The following TCF4 variants were observed in gnomAD, a reference collection of about 807,000 sequenced individuals.
The protein encoded by TCF4 is transcription factor 4.
TCF4 carries 3 observed loss-of-function variants against 82.1 expected under a neutral mutation model. The observed-to-expected ratio is 0.04, with a 90% CI of 0.02 to 0.09. TCF4 has a LOEUF of 0.09. TCF4 is among the 10% of genes least tolerant of loss of function. The pLI, the probability that TCF4 is intolerant of heterozygous loss-of-function variation, is 1.00. For missense variants in TCF4, 518 were observed against 852.7 expected (o/e 0.61, Z 4.89); for synonymous variants, 276 against 309.6 (o/e 0.89, Z 1.14).
chr18:55,413,901 G>A (rs1307428079), intron 5 of TCF4, among the ~76,000 whole-genome samples: 3 of 152,108 alleles, frequency 2.0e-5, no homozygotes, highest in African/African-American at 7.2e-5. Flanking sequence ...CACAATATAG[G>A]GAATTTAATA....
At chr18:55,488,123 T>C (rs1603566156) in intron 3 of TCF4, among the ~76,000 whole-genome samples, 1 of 152,248 alleles carries the variant, frequency 6.6e-6, no homozygotes, top group Non-Finnish European at 1.5e-5. Context: ...ATATTTATAC[T>C]TATAACAGAA....
intron 8 of TCF4, among the ~76,000 whole-genome samples, chr18:55,347,387 G>C (rs770601033): frequency 6.6e-6 from 1 of 152,026 alleles, no homozygotes; most frequent in Non-Finnish European, 1.5e-5. Context: ...TGCACTAGAG[G>C]GACAGGCTTC....
intron 3 of TCF4, among the ~76,000 whole-genome samples, chr18:55,544,960 T>C (rs1366507014): frequency 2.0e-5 from 3 of 152,230 alleles, no homozygotes; most frequent in Non-Finnish European, 4.4e-5. Context: ...ATGTACATCA[T>C]GCACAGCCAG....
At chr18:55,392,258 C>T (rs1158324789) in intron 6 of TCF4, among the ~76,000 whole-genome samples, 1 of 151,638 alleles carries the variant, frequency 6.6e-6, no homozygotes, top group Non-Finnish European at 1.5e-5. Context: ...AGCCATCATG[C>T]CCGGCCCAAA....
At chr18:55,239,470 G>A (rs764022360) in intron 15 of TCF4, among the ~76,000 whole-genome samples, 4 of 152,020 alleles carry the variant, frequency 2.6e-5, no homozygotes, top group Non-Finnish European at 5.9e-5. Flanking sequence ...GGCAAGATGC[G>A]TTTATTTCCC....
rs554760670 is a variant in TCF4, at chr18:55,506,206, C to T, written c.146-42069G>A. Among the ~76,000 whole-genome samples the T allele has an allele frequency of 1.4e-4, 22 of 152,260 alleles. No individual in the cohort carries two copies. The South Asian group carries it at 4.4e-3, about 30-fold the overall frequency. ...TTCTAGATCAAGAAATACTGATGAC[C>T]TGCAGTGGAAATCAAACAGCAGCAG... On this transcript the variant is annotated intron_variant, in intron 3 of 19. Coordinates refer to ENST00000354452, the MANE Select transcript of TCF4 (RefSeq NM_001083962.2).
rs540731957 is a variant in TCF4, at chr18:55,298,956, C to T, written c.550-19300G>A. Among the ~76,000 whole-genome samples the T allele has an allele frequency of 3.4e-3, 515 of 152,250 alleles. 3 individuals carry two copies. The highest frequency in any genetic ancestry group is 4.7e-3 in the Non-Finnish European group (320 of 67,996). On this transcript the variant is annotated intron_variant, in intron 8 of 19. Coordinates refer to ENST00000354452, the MANE Select transcript of TCF4 (RefSeq NM_001083962.2). ...TTCTCTCTAGAGTCGATCAGACAGACATTTCCCTACAATTTAGGTCAATAA... is the reference window on the plus strand; with the variant it reads ...TTCTCTCTAGAGTCGATCAGACAGATATTTCCCTACAATTTAGGTCAATAA...
At chr18:55,350,737 C>A in intron 7 of TCF4, 137 bp downstream of exon 7, 1 of 1,233,296 alleles carries the variant, frequency 8.1e-7, no homozygotes. Flanking sequence ...GGGAAGTCTC[C>A]AGGCTGACAA....
intron 3 of TCF4, among the ~76,000 whole-genome samples, chr18:55,564,685 A>C (rs1678591642): frequency 6.6e-6 from 1 of 152,210 alleles, no homozygotes; most frequent in Admixed American, 6.5e-5. Flanking sequence ...TGGCTCTACA[A>C]ACTGACTCTG....
At chr18:55,514,427 ACAC>A (rs2096859631) in intron 3 of TCF4, among the ~76,000 whole-genome samples, 3 of 151,726 alleles carry the variant, frequency 2.0e-5, no homozygotes, top group African/African-American at 7.3e-5. Context: ...ACACACACAC[ACAC>A]ACACACACAC....
chr18:55,376,819 CAT>C (rs1337966593), intron 6 of TCF4, among the ~76,000 whole-genome samples: 1 of 152,190 alleles, frequency 6.6e-6, no homozygotes, highest in Non-Finnish European at 1.5e-5. Context: ...TGAAGCACAG[CAT>C]ATAGTTTCTG....
rs1344135861 is a variant in TCF4, at chr18:55,225,503, T to C, written c.*2532A>G. ...CACCGTATTTTCTTCTGTACACTTA[T>C]CCTGAATGTGATCAGAGTATACCTG... On this transcript the variant is annotated 3_prime_UTR_variant, in exon 20 of 20. Coordinates refer to ENST00000354452, the MANE Select transcript of TCF4 (RefSeq NM_001083962.2). 1.3e-5 allele frequency: 2 copies of C among 152,570 alleles called. No homozygotes were observed. Among genetic ancestry groups the C allele is most frequent in the African/African-American group, 4.8e-5 (2 of 41,444 alleles). 9.5% of individuals were successfully genotyped at this position (152,570 alleles called of 1,614,324 possible).
chr18:55,455,075 T>C (rs911897185), intron 5 of TCF4, among the ~76,000 whole-genome samples: 1 of 149,580 alleles, frequency 6.7e-6, no homozygotes, highest in Non-Finnish European at 1.5e-5. Context: ...TCGTCCCAGC[T>C]GCTCAGCAGG....
chr18:55,338,145 C>T (rs1414363695), intron 8 of TCF4, among the ~76,000 whole-genome samples: 4 of 152,158 alleles, frequency 2.6e-5, no homozygotes, highest in African/African-American at 7.2e-5. Context: ...TGATGCCAAG[C>T]GGACTACAGC....
At chr18:55,422,381 G>A in intron 5 of TCF4, 1 of 984,924 alleles carries the variant, frequency 1.0e-6, no homozygotes, top group Non-Finnish European at 1.2e-6. Context: ...GTCTTGAAAG[G>A]GAAAAGGAAA....
chr18:55,371,949 A>G (rs998302331), intron 6 of TCF4, among the ~76,000 whole-genome samples: 1 of 152,218 alleles, frequency 6.6e-6, no homozygotes, highest in African/African-American at 2.4e-5. Flanking sequence ...ATGAAAGAAT[A>G]AATAAATAAA....
chr18:55,506,004 T>G (rs1441885885), intron 3 of TCF4, among the ~76,000 whole-genome samples: 1 of 152,190 alleles, frequency 6.6e-6, no homozygotes, highest in Non-Finnish European at 1.5e-5. Context: ...TCAGCTGACC[T>G]GACTTGTTCA....
chr18:55,309,038 C>T (rs1442117601), intron 8 of TCF4, among the ~76,000 whole-genome samples: 3 of 152,048 alleles, frequency 2.0e-5, no homozygotes, highest in Admixed American at 2.0e-4. Flanking sequence ...GCTAGTGCAA[C>T]CAAGGAAGTG....
At chr18:55,365,191 A>ATATATAGATATATATGTGTGTGTGTGTG (rs1361444592) in intron 6 of TCF4, among the ~76,000 whole-genome samples, 1 of 97,958 alleles carries the variant, frequency 1.0e-5, no homozygotes, top group African/African-American at 5.0e-5. Flanking sequence ...ATATATATAT[A>ATATATAGATATATATGTGTGTGTGTGTG]TGTGTGTGTG....
Sources: gnomAD v4.1 joint callset for allele counts (sites outside exome capture counted in the v4.1 genomes callset) on GRCh38, gnomAD v4.1.1 for gene constraint, MANE v1.5 for transcripts, NCBI Gene and HGNC (gene_info 2026-07-23, HGNC 2026-07-21) for gene names.